DMD: variants seen among roughly 807,000 people sequenced by gnomAD.
DMD encodes the protein dystrophin.
A neutral mutation model predicts 330.1 loss-of-function variants in DMD; 63 were observed. The ratio of observed to expected loss-of-function variants is 0.19; its 90% CI spans 0.16 to 0.24. DMD has a LOEUF of 0.24. Ranked by LOEUF, DMD falls within the 10% of genes least tolerant of loss-of-function variation. The pLI is 1.00. For missense variants in DMD, 3,344 were observed against 2,684.1 expected (o/e 1.25, Z -5.43); for synonymous variants, 1,223 against 959.8 (o/e 1.27, Z -5.07).
At chrX:32,809,369 A>G (rs1044295154) in intron 7 of DMD, 124 bp downstream of exon 7, 4 of 569,089 alleles carry the variant, frequency 7.0e-6, no homozygotes, top group African/African-American at 2.3e-5. Flanking sequence ...CATTTTAAAT[A>G]TATCTACAGT....
chrX:32,900,668 T>C (rs1569540712), intron 2 of DMD, among the ~76,000 whole-genome samples: 1 of 111,169 alleles, frequency 9.0e-6, no homozygotes, highest in Non-Finnish European at 1.9e-5. Flanking sequence ...GTGAAGTGAT[T>C]ATGAGGAATA....
intron 21 of DMD, among the ~76,000 whole-genome samples, chrX:32,480,067 A>G (rs1002776527): frequency 2.7e-5 from 3 of 111,544 alleles, no homozygotes; most frequent in Non-Finnish European, 5.7e-5. Flanking sequence ...CAACAGCAAG[A>G]AAACAAATAA....
chrX:32,514,666 G>C lies in DMD; in HGVS notation c.2292+3342C>G, dbSNP rs774529565. 5.7e-3 allele frequency among the ~76,000 whole-genome samples: 643 copies of C among 112,377 alleles called. 5 individuals are homozygous for C. The highest frequency in any genetic ancestry group is 0.02 in the African/African-American group (615 of 30,988). The stretch of plus-strand genomic sequence containing the variant: ...TGAGGCAGGAGAACGGCGTGAACCC[G>C]GGAGGCAGAGCTTGCAGTGAGCCGA... On this transcript the variant is annotated intron_variant, in intron 18 of 78. Coordinates refer to ENST00000357033, the MANE Select transcript of DMD (RefSeq NM_004006.3).
At chrX:31,241,434 A>G (rs2048273975) in intron 63 of DMD, among the ~76,000 whole-genome samples, 1 of 112,030 alleles carries the variant, frequency 8.9e-6, no homozygotes, top group Non-Finnish European at 1.9e-5. Context: ...CATTTATATG[A>G]GCCACCAAAA....
At chrX:32,111,640 C>A (rs192812443) in intron 44 of DMD, among the ~76,000 whole-genome samples, 1 of 111,654 alleles carries the variant, frequency 9.0e-6, no homozygotes, top group Admixed American at 9.5e-5. Context: ...TTAGAGCTTG[C>A]TACCACCCCA....
In DMD at chrX:32,242,199, T is replaced by C. The variant is rs139645969; in HGVS notation, c.6291-25136A>G. ...GGAACAGTGTCTGGTGTGTGGCCTA[T>C]GTAACATTACACAGCACTCTGGAGA... is the stretch of plus-strand genomic sequence containing the variant. On this transcript the variant is annotated intron_variant, in intron 43 of 78. Transcript: ENST00000357033. Among the ~76,000 whole-genome samples, 544 of 111,932 alleles carry C rather than the reference T, an allele frequency of 4.9e-3. 1 individual carries two copies. The highest frequency in any genetic ancestry group is 0.014 in the Middle Eastern group (3 of 216).
At chrX:32,554,886 AAAG>A (rs1175231336) in intron 16 of DMD, among the ~76,000 whole-genome samples, 1 of 19,492 alleles carries the variant, frequency 5.1e-5, no homozygotes, top group Non-Finnish European at 7.7e-5. Flanking sequence ...AAGAAGAAAG[AAAG>A]AAAGAAAGAA....
intron 7 of DMD, among the ~76,000 whole-genome samples, chrX:32,770,860 G>T (rs1188303210): frequency 2.7e-5 from 3 of 112,059 alleles, no homozygotes; most frequent in African/African-American, 6.5e-5. Flanking sequence ...ATAGAGCAAG[G>T]TAAAGAGAGG....
At chrX:32,389,755 C>T in intron 31 of DMD, 81 bp from the exon 32 acceptor site, 1 of 945,727 alleles carries the variant, frequency 1.1e-6, no homozygotes, top group Non-Finnish European at 1.5e-6. Context: ...GATAGATCTG[C>T]CTTTATTTCT....
At chrX:32,183,384 T>G (rs1246559008) in intron 44 of DMD, among the ~76,000 whole-genome samples, 1 of 109,199 alleles carries the variant, frequency 9.2e-6, no homozygotes, top group Admixed American at 9.9e-5. Context: ...GATAAAAAAA[T>G]GAAGCTTGTT....
chrX:32,616,733 G>A (rs1423012224), intron 11 of DMD, among the ~76,000 whole-genome samples: 2 of 70,422 alleles, frequency 2.8e-5, no homozygotes, highest in Non-Finnish European at 4.9e-5. Flanking sequence ...GAATGTTACT[G>A]AAACCCAAGA....
intron 62 of DMD, among the ~76,000 whole-genome samples, chrX:31,321,184 G>A (rs1180714516): frequency 1.8e-5 from 2 of 111,393 alleles, no homozygotes; most frequent in East Asian, 5.6e-4. Flanking sequence ...TGAGATCTTC[G>A]GTTTTTAAGT....
At chrX:32,819,955 A>G (rs1010941013) in intron 5 of DMD, among the ~76,000 whole-genome samples, 52 of 111,246 alleles carry the variant, frequency 4.7e-4, no homozygotes, top group African/African-American at 1.7e-3. Context: ...AGAACAGGGC[A>G]GTGTGATATA....
At chrX:33,059,281 C>T (rs975176441) in intron 1 of DMD, among the ~76,000 whole-genome samples, 2 of 111,159 alleles carry the variant, frequency 1.8e-5, no homozygotes, top group Non-Finnish European at 3.8e-5. Flanking sequence ...GACTATGTCT[C>T]GTCTAATATT....
At chrX:32,201,648 A>G (rs1359477040) in intron 44 of DMD, among the ~76,000 whole-genome samples, 1 of 111,441 alleles carries the variant, frequency 9.0e-6, no homozygotes, top group African/African-American at 3.3e-5. Context: ...ACAGCCAAAG[A>G]TTGTCTAGGG....
At chrX:32,128,371 T>C in intron 44 of DMD, among the ~76,000 whole-genome samples, 1 of 112,137 alleles carries the variant, frequency 8.9e-6, no homozygotes, top group Non-Finnish European at 1.9e-5. Flanking sequence ...TTCCTTTACA[T>C]GCCTCTAATT....
intron 18 of DMD, among the ~76,000 whole-genome samples, chrX:32,503,561 T>C (rs1188931682): frequency 9.0e-6 from 1 of 111,417 alleles, no homozygotes; most frequent in Non-Finnish European, 1.9e-5. Flanking sequence ...GCTTTTTGTT[T>C]TTGTTTCTCT....
intron 44 of DMD, among the ~76,000 whole-genome samples, chrX:32,192,822 G>T (rs1242688275): frequency 8.9e-6 from 1 of 111,835 alleles, no homozygotes; most frequent in Non-Finnish European, 1.9e-5. Flanking sequence ...TCAGCCATTA[G>T]CAAAGGTCTA....
intron 78 of DMD, among the ~76,000 whole-genome samples, chrX:31,124,366 A>G (rs16989364): frequency 0.012 from 1,364 of 112,169 alleles, 31 homozygotes; most frequent in African/African-American, 0.042. Context: ...ACTGCCCTAA[A>G]GAATCATACT....
Sources: gnomAD v4.1 joint callset for allele counts (sites outside exome capture counted in the v4.1 genomes callset) on GRCh38, gnomAD v4.1.1 for gene constraint, MANE v1.5 for transcripts, NCBI Gene and HGNC (gene_info 2026-07-23, HGNC 2026-07-21) for gene names.